The following SEPTIN9 variants were observed in gnomAD, a reference collection of about 807,000 sequenced individuals.
SEPTIN9 encodes the protein septin 9, also known as septin-9.
SEPTIN9 carries 13 observed loss-of-function variants against 56.6 expected under a neutral mutation model. The ratio of observed to expected loss-of-function variants is 0.23; its 90% CI spans 0.15 to 0.37. SEPTIN9 has a LOEUF of 0.37. Among genes scored for constraint, SEPTIN9 ranks in the 10% least tolerant of loss-of-function variants. The pLI is 1.00. For missense variants in SEPTIN9, 650 were observed against 823.1 expected, an observed-to-expected ratio of 0.79 and a Z score of 2.57; for synonymous variants, 332 against 334.1, an observed-to-expected ratio of 0.99 and a Z score of 0.07.
chr17:77,467,448 G>T (rs578225668), intron 3 of SEPTIN9, among the ~76,000 whole-genome samples: 30 of 152,302 alleles, frequency 2.0e-4, no homozygotes, highest in Admixed American at 3.9e-4. Flanking sequence ...CTGGGGTTGG[G>T]GAGTGGGCGG....
In SEPTIN9 at chr17:77,346,278, C is replaced by CTTTTTTTTTTT. The variant is rs577131369; in HGVS notation, c.76+39100_76+39110dup. On this transcript the variant is annotated intron_variant, in intron 2 of 11. Coordinates refer to ENST00000427177, the MANE Select transcript of SEPTIN9 (RefSeq NM_001113491.2). The stretch of plus-strand genomic sequence containing the variant: ...AGATTCTTAAAGCAGATCCTTAGGT[C>CTTTTTTTTTTT]TTTTTTTTTTTTTTTTTTTTTTTTT... Among the ~76,000 whole-genome samples the CTTTTTTTTTTT allele has an allele frequency of 8.1e-3, 377 of 46,262 alleles. 15 individuals carry two copies. Among genetic ancestry groups the CTTTTTTTTTTT allele is most frequent in the Non-Finnish European group, 0.011 (281 of 25,242 alleles). The allele number at this position is 46,262 out of a possible 152,430, so 30.3% of individuals were successfully genotyped here.
At chr17:77,494,878 C>CG (rs1323762973) in intron 10 of SEPTIN9, among the ~76,000 whole-genome samples, 1 of 152,346 alleles carries the variant, frequency 6.6e-6, no homozygotes, top group Admixed American at 6.5e-5. Flanking sequence ...ACCACCCCTG[C>CG]CGGGCCCACC....
At chr17:77,462,954 T>C (rs1376669949) in intron 3 of SEPTIN9, among the ~76,000 whole-genome samples, 2 of 152,118 alleles carry the variant, frequency 1.3e-5, no homozygotes, top group Non-Finnish European at 2.9e-5. Context: ...GGCCTGAGCG[T>C]TTTTATGCTG....
chr17:77,445,287 G>T lies in SEPTIN9; in HGVS notation c.722-36857G>T, dbSNP rs928149829. 1 of 467,164 alleles carries T rather than the reference G, an allele frequency of 2.1e-6. No individual in the cohort carries two copies. The highest frequency in any genetic ancestry group is 7.0e-5 in the East Asian group (1 of 14,382). 28.9% of individuals were successfully genotyped at this position (467,164 alleles called of 1,614,324 possible). On this transcript the variant is annotated intron_variant, in intron 3 of 11. Coordinates refer to ENST00000427177, the MANE Select transcript of SEPTIN9 (RefSeq NM_001113491.2). This position sits in a 1 kb window ranked among gnomAD's most constrained non-coding sequence, Gnocchi z 4.7. ...TTCCTGCTCCCCAGCCCTTTCCTCC[G>T]CACCCCCATGCAGAAGCGCGGCCGC...
chr17:77,371,725 T>C lies in SEPTIN9; in HGVS notation c.77-30334T>C, dbSNP rs983529958. On this transcript the variant is annotated intron_variant, in intron 2 of 11. Coordinates refer to ENST00000427177, the MANE Select transcript of SEPTIN9 (RefSeq NM_001113491.2). This position sits in a 1 kb window ranked among gnomAD's most constrained non-coding sequence, Gnocchi z 4.1. ...CTATTAATGGCAGCAATGGCTGCAT[T>C]TCTGAAACCCGGGCTCCCAGGCCGA... Among the ~76,000 whole-genome samples, 32 of 152,208 alleles carry C rather than the reference T, an allele frequency of 2.1e-4. No homozygotes were observed.
At chr17:77,324,845 G>T (rs571626432) in intron 2 of SEPTIN9, among the ~76,000 whole-genome samples, 2 of 143,374 alleles carry the variant, frequency 1.4e-5, no homozygotes, top group African/African-American at 5.4e-5. Context: ...TTGAGATGGA[G>T]TCTGACTCTG....
At chr17:77,355,537 C>G (rs1052719818) in intron 2 of SEPTIN9, among the ~76,000 whole-genome samples, 7 of 152,092 alleles carry the variant, frequency 4.6e-5, no homozygotes, top group Non-Finnish European at 8.8e-5. Context: ...GGCACAGCCC[C>G]CAAGTGGATG....
At position 77,493,025 on chromosome 17, in the gene SEPTIN9, G is replaced by A. The variant is rs751930046; in HGVS notation, c.1522G>A (p.Val508Ile). Residue 508 changes from valine (V) to isoleucine (I), a missense_variant, in exon 10 of 12, where the codon GTC (valine) becomes ATC (isoleucine). Val to Ile is a conservative substitution (Grantham distance 29). This residue lies in a region of SEPTIN9 where 333 missense variants were observed against 494.0 expected (regional missense o/e 0.67). Transcript: ENST00000427177. ...AVVGSDHEYQ[V>I]NGKRILGRKT... ...GGTGGGCAGTGACCACGAGTACCAG[G>A]TCAACGGCAAGAGGATCCTTGGGAG... is the stretch of plus-strand genomic sequence containing the variant. 5.7e-6 allele frequency: 9 copies of A among 1,570,860 alleles called. No homozygotes were observed. The highest frequency in any genetic ancestry group is 7.8e-6 in the Non-Finnish European group (9 of 1,158,472).
chr17:77,301,605 G>A (rs1295084037), intron 1 of SEPTIN9, among the ~76,000 whole-genome samples: 1 of 152,074 alleles, frequency 6.6e-6, no homozygotes, highest in South Asian at 2.1e-4. Context: ...TAGAGACGGG[G>A]TTTCACCATG....
chr17:77,385,697 G>A (rs1484182335), intron 2 of SEPTIN9, among the ~76,000 whole-genome samples: 1 of 152,218 alleles, frequency 6.6e-6, no homozygotes. Flanking sequence ...GCCTGGGCTG[G>A]TTTTCTCGTG....
chr17:77,387,929 G>T (rs921633604), intron 2 of SEPTIN9, among the ~76,000 whole-genome samples: 2 of 129,958 alleles, frequency 1.5e-5, no homozygotes, highest in African/African-American at 5.8e-5. Flanking sequence ...TGTTCCCAGA[G>T]CTTCACTTCC....
chr17:77,304,253 C>T (rs1016996575), intron 1 of SEPTIN9, among the ~76,000 whole-genome samples: 4 of 152,224 alleles, frequency 2.6e-5, no homozygotes, highest in Non-Finnish European at 2.9e-5. Context: ...GCTCAGGCTG[C>T]GCTCGCCCCC....
chr17:77,352,164 G>A (rs1023956290), intron 2 of SEPTIN9, among the ~76,000 whole-genome samples: 12 of 152,070 alleles, frequency 7.9e-5, no homozygotes, highest in Admixed American at 5.2e-4. Flanking sequence ...TTGGGAGGCC[G>A]AGGCGGTTGG....
intron 1 of SEPTIN9, among the ~76,000 whole-genome samples, chr17:77,298,589 C>T (rs887608280): frequency 2.0e-5 from 3 of 152,160 alleles, no homozygotes; most frequent in Non-Finnish European, 4.4e-5. Flanking sequence ...TTGGTTCTCT[C>T]GGCCTCAGGT....
rs2037045068 is a variant in SEPTIN9 at position 77,429,424 on chromosome 17, A to G, written c.721+26721A>G. The G allele has an allele frequency of 2.5e-6, 1 of 399,096 alleles. No individual in the cohort carries two copies. Among genetic ancestry groups the G allele is most frequent in the Non-Finnish European group, 5.3e-6 (1 of 189,186 alleles). The allele number at this position is 399,096 out of a possible 1,614,324, so 24.7% of individuals were successfully genotyped here. On this transcript the variant is annotated intron_variant, in intron 3 of 11. Transcript: ENST00000427177. The surrounding 1 kb of genome is among the most constrained non-coding windows in gnomAD (Gnocchi z 5.2). Reference sequence around the variant, plus strand: ...GGGCTACAGCGTGCTCGCCGATTGCATTTGGGGAGGGACTGAGGGCTGATT... The same window carrying G: ...GGGCTACAGCGTGCTCGCCGATTGCGTTTGGGGAGGGACTGAGGGCTGATT...
chr17:77,494,991 C>G (rs73377553), intron 10 of SEPTIN9, among the ~76,000 whole-genome samples: 1 of 152,216 alleles, frequency 6.6e-6, no homozygotes, highest in African/African-American at 2.4e-5. Context: ...TGCAGTTCCT[C>G]TCTTCCTCTC....
chr17:77,408,484 A>C (rs2036172124), intron 3 of SEPTIN9, among the ~76,000 whole-genome samples: 1 of 152,192 alleles, frequency 6.6e-6, no homozygotes, highest in African/African-American at 2.4e-5. Flanking sequence ...GGCTCTTCGC[A>C]TACTTGGTCC....
At position 77,365,151 on chromosome 17, in the gene SEPTIN9, G is replaced by A. The variant is rs189231424; in HGVS notation, c.77-36908G>A. On this transcript the variant is annotated intron_variant, in intron 2 of 11. Coordinates refer to ENST00000427177, the MANE Select transcript of SEPTIN9 (RefSeq NM_001113491.2). ...ACATTCCAGGCCCCCAGAAAGAGCC[G>A]CCACCCACCCACACCGCTACATCTT... Among the ~76,000 whole-genome samples the A allele has an allele frequency of 8.5e-4, 130 of 152,232 alleles. 1 individual carries two copies. In the East Asian group the frequency reaches 0.021, roughly 25 times the overall value.
At chr17:77,460,589 A>C (rs1191358489) in intron 3 of SEPTIN9, among the ~76,000 whole-genome samples, 4 of 151,902 alleles carry the variant, frequency 2.6e-5, no homozygotes, top group Non-Finnish European at 5.9e-5. Flanking sequence ...CCTCTTCCAG[A>C]TTTGGAGTGG....
Sources: allele counts gnomAD v4.1 joint callset (sites outside exome capture counted in the v4.1 genomes callset), GRCh38; gene constraint gnomAD v4.1.1; regional missense constraint gnomAD v4.1.1; non-coding constraint Gnocchi (gnomAD v3.1); transcripts MANE v1.5; gene names NCBI Gene and HGNC (gene_info 2026-07-23, HGNC 2026-07-21).